CHD6: variants seen among roughly 807,000 people sequenced by gnomAD.
CHD6 encodes chromodomain helicase DNA binding protein 6.
Under a neutral mutation model 276.9 loss-of-function variants are expected in CHD6, and 50 were observed. The ratio of observed to expected loss-of-function variants is 0.18; its 90% confidence interval spans 0.14 to 0.23. The LOEUF is 0.23. CHD6 is among the 10% of genes least tolerant of loss of function. The pLI is 1.00. For missense variants in CHD6, 2,564 were observed against 3,365.8 expected (o/e 0.76, Z 5.89); for synonymous variants, 1,173 against 1,229.3 (o/e 0.95, Z 0.96).
At chr20:41,490,911 C>G (rs951065935) in intron 11 of CHD6, among the ~76,000 whole-genome samples, 4 of 151,994 alleles carry the variant, frequency 2.6e-5, no homozygotes, top group African/African-American at 4.8e-5. Context: ...TGTAACAAAC[C>G]TGCATATCTG....
chr20:41,560,575 C>T lies in CHD6; in HGVS notation c.-23-9215G>A, dbSNP rs150910106. On this transcript the variant is annotated intron_variant, in intron 1 of 36. Coordinates refer to ENST00000373233, the MANE Select transcript of CHD6 (RefSeq NM_032221.5). ...CATTAGCTGTGGAGGGCCCAAGCAC[C>T]CTCCAGGGAGGGACCCTGTCCTGCA... 6.5e-3 allele frequency among the ~76,000 whole-genome samples: 991 copies of T among 152,294 alleles called. 12 individuals are homozygous for T. Among genetic ancestry groups the T allele is most frequent in the Middle Eastern group, 0.024 (7 of 294 alleles).
chr20:41,510,293 A>G (rs1487406242), intron 5 of CHD6, among the ~76,000 whole-genome samples: 1 of 152,212 alleles, frequency 6.6e-6, no homozygotes, highest in Non-Finnish European at 1.5e-5. Flanking sequence ...CAGGAAGCCC[A>G]GTATGTAAAA....
At position 41,589,348 on chromosome 20, in the gene CHD6, G is replaced by T. The variant is rs540617718; in HGVS notation, c.-24+28992C>A. Among the ~76,000 whole-genome samples the T allele has an allele frequency of 7.5e-3, 1,145 of 152,202 alleles. 18 individuals are homozygous for T. The highest frequency in any genetic ancestry group is 0.026 in the African/African-American group (1,082 of 41,528). On this transcript the variant is annotated intron_variant, in intron 1 of 36. Transcript: ENST00000373233. Reference sequence around the variant, plus strand: ...TCTCTCACCACTCCTATTCAACATAGTGTTGGAAGTTCTGGCCAGGGCAAT... The same window carrying T: ...TCTCTCACCACTCCTATTCAACATATTGTTGGAAGTTCTGGCCAGGGCAAT...
chr20:41,405,209 A>C lies in CHD6; in HGVS notation c.7532T>G (p.Val2511Gly). 6.2e-7 allele frequency: 1 copy of C among 1,613,946 alleles called. No homozygotes were observed. Among genetic ancestry groups the C allele is most frequent in the South Asian group, 1.1e-5 (1 of 91,082 alleles). Residue 2511 changes from valine (V) to glycine (G), a missense_variant, in exon 37 of 37, where the codon GTC (valine) becomes GGC (glycine). By Grantham distance (109) the Val-to-Gly change is moderately radical. This residue lies in a region of CHD6 where 238 missense variants were observed against 266.0 expected (regional missense o/e 0.89). Coordinates refer to ENST00000373233, the MANE Select transcript of CHD6 (RefSeq NM_032221.5). ...GFATMPTGEE[V>G]KSTLSMLPMM... Reference sequence around the variant, plus strand: ...GGGCAGCATGCTCAGGGTACTTTTGACCTCTTCACCTGTTGGCATCGTGGC... The same window carrying C: ...GGGCAGCATGCTCAGGGTACTTTTGCCCTCTTCACCTGTTGGCATCGTGGC...
In CHD6 at chr20:41,533,494, G is replaced by A; in HGVS notation, c.110C>T (p.Pro37Leu). The A allele has an allele frequency of 1.9e-6, 3 of 1,613,938 alleles. No individual in the cohort carries two copies. The highest frequency in any genetic ancestry group is 1.7e-4 in the Middle Eastern group (1 of 6,060). The change falls in exon 3 of 37, where the codon CCA becomes CTA. Residue 37 changes from proline to leucine, a missense_variant. Physicochemically the swap from Pro to Leu is moderately conservative, Grantham distance 98. Around this residue, in one of 7 missense-constraint regions of CHD6, gnomAD observed 286 missense variants for 297.8 expected, o/e 0.96. Transcript: ENST00000373233. ...TTCTTGATCAGTGCTGCAGTCAAAT[G>A]GGGATGGAGATTTGTAGTCAAAATT... ...SVNFDYKSPS[P>L]FDCSTDQEEK...
intron 30 of CHD6, 58 bp downstream of exon 30, chr20:41,423,434 T>C: frequency 6.5e-7 from 1 of 1,527,940 alleles, no homozygotes; most frequent in Non-Finnish European, 9.1e-7. Context: ...TTCTGCAATT[T>C]GAAAATCAGA....
At position 41,551,380 on chromosome 20, in the gene CHD6, A is replaced by G. The variant is rs780564691; in HGVS notation, c.-23-20T>C. 1 of 1,157,852 alleles carries G rather than the reference A, an allele frequency of 8.6e-7. No individual in the cohort carries two copies. Among genetic ancestry groups the G allele is most frequent in the Non-Finnish European group, 1.3e-6 (1 of 783,626 alleles). The allele number at this position is 1,157,852 out of a possible 1,614,324, so 71.7% of individuals were successfully genotyped here. ...TTATTTCTGTAAAACATTTTTAAAA[A>G]GGCAAAGATTATGACAAAACCCAAA... On this transcript the variant is annotated intron_variant, in intron 1 of 36. Transcript: ENST00000373233.
intron 1 of CHD6, among the ~76,000 whole-genome samples, chr20:41,609,657 T>C (rs930631997): frequency 7.9e-5 from 12 of 152,156 alleles, no homozygotes; most frequent in African/African-American, 2.7e-4. Flanking sequence ...ATAAACCACA[T>C]AGGACACCCG....
intron 5 of CHD6, among the ~76,000 whole-genome samples, chr20:41,503,785 T>G (rs2145920334): frequency 6.6e-6 from 1 of 152,228 alleles, no homozygotes; most frequent in East Asian, 1.9e-4. Context: ...TCAGAAATAC[T>G]TTGAACTTTC....
At chr20:41,457,464 G>T in intron 17 of CHD6, 36 bp from the exon 18 acceptor site, 1 of 1,589,730 alleles carries the variant, frequency 6.3e-7, no homozygotes, top group Non-Finnish European at 8.6e-7. Context: ...TCACGTCACC[G>T]TATGTATAAA....
Position 41,473,074 on chromosome 20 carries a change from C to G in CHD6, c.2664+248G>C, listed in dbSNP as rs2043091978. ...AATAATAATAATTAGTAGTTCTAGT[C>G]TATATCTGGAGGCTACCACTGTGAA... On this transcript the variant is annotated intron_variant, in intron 17 of 36. Transcript: ENST00000373233. This position sits in a 1 kb window ranked among gnomAD's most constrained non-coding sequence, Gnocchi z 4.1. 2.3e-6 allele frequency: 1 copy of G among 442,630 alleles called. No homozygotes were observed. Among genetic ancestry groups the G allele is most frequent in the Non-Finnish European group, 4.0e-6 (1 of 249,176 alleles). The allele number at this position is 442,630 out of a possible 1,614,324, so 27.4% of individuals were successfully genotyped here. A position where few individuals can be genotyped will look rare whatever the true frequency, so the allele number is the denominator to read the frequency against.
Position 41,473,999 on chromosome 20 carries a change from A to T in CHD6, c.2469-482T>A, listed in dbSNP as rs1341932226. Among the ~76,000 whole-genome samples the T allele has an allele frequency of 6.6e-6, 1 of 152,224 alleles. No homozygotes were observed. The highest frequency in any genetic ancestry group is 6.5e-5 in the Admixed American group (1 of 15,282). ...TAAACCAGAAATGGTAAGAAGATTA[A>T]ACTGTGAGGCAGTCCTTTTATGTCA... On this transcript the variant is annotated intron_variant, in intron 16 of 36. Transcript: ENST00000373233. This position sits in a 1 kb window ranked among gnomAD's most constrained non-coding sequence, Gnocchi z 4.1.
chr20:41,428,949 C>T lies in CHD6; in HGVS notation c.4069-2796G>A, dbSNP rs182284096. Reference sequence around the variant, plus strand: ...GTTCACAGAACCCTCAAACTCCTAACTCACAAGAAGAAGGTGCTTGTTCAG... The same window carrying T: ...GTTCACAGAACCCTCAAACTCCTAATTCACAAGAAGAAGGTGCTTGTTCAG... On this transcript the variant is annotated intron_variant, in intron 27 of 36. Coordinates refer to ENST00000373233, the MANE Select transcript of CHD6 (RefSeq NM_032221.5). Among the ~76,000 whole-genome samples the T allele has an allele frequency of 1.2e-4, 18 of 152,300 alleles. No individual in the cohort carries two copies. The East Asian group carries it at 3.3e-3, about 28-fold the overall frequency.
rs186236269 is a variant in CHD6, at chr20:41,581,661, C to T, written c.-23-30301G>A. On this transcript the variant is annotated intron_variant, in intron 1 of 36. Transcript: ENST00000373233. ...ACTGTACTCCAGCCTGACGACAGAG[C>T]GAGACTCCATCTCAAAAAAAAAAAA... Among the ~76,000 whole-genome samples, 446 of 141,176 alleles carry T rather than the reference C, an allele frequency of 3.2e-3. 1 individual carries two copies. The highest frequency in any genetic ancestry group is 0.012 in the African/African-American group (425 of 35,042). 92.6% of individuals were successfully genotyped at this position (141,176 alleles called of 152,430 possible).
intron 3 of CHD6, among the ~76,000 whole-genome samples, chr20:41,530,381 C>T (rs1014643747): frequency 2.0e-5 from 3 of 152,052 alleles, no homozygotes; most frequent in Admixed American, 2.0e-4. Flanking sequence ...GCCAGAAGCC[C>T]GTAAATCAGT....
chr20:41,502,096 A>G (rs2043842750), intron 5 of CHD6, among the ~76,000 whole-genome samples: 1 of 152,186 alleles, frequency 6.6e-6, no homozygotes, highest in Non-Finnish European at 1.5e-5. Flanking sequence ...CAATCCCTTA[A>G]TGTGTCTTCT....
chr20:41,488,675 A>G, intron 12 of CHD6, 71 bp from the exon 13 acceptor site: 7 of 1,389,230 alleles, frequency 5.0e-6, no homozygotes, highest in Non-Finnish European at 6.9e-6. Context: ...CTGCTGGACT[A>G]CAGGAGGCAG....
In CHD6 at chr20:41,452,522, T is replaced by C. The variant is rs889094899; in HGVS notation, c.3323+218A>G. On this transcript the variant is annotated intron_variant, in intron 21 of 36. Coordinates refer to ENST00000373233, the MANE Select transcript of CHD6 (RefSeq NM_032221.5). This position sits in a 1 kb window ranked among gnomAD's most constrained non-coding sequence, Gnocchi z 4.2. ...CCAGAGATTTGTTGTGACAGGCATA[T>C]GAGAAAATCATGGCATGTCTGCATT... 3.9e-5 allele frequency among the ~76,000 whole-genome samples: 6 copies of C among 152,140 alleles called. No homozygotes were observed. The highest frequency in any genetic ancestry group is 1.5e-5 in the Non-Finnish European group (1 of 68,016).
intron 16 of CHD6, among the ~76,000 whole-genome samples, chr20:41,479,647 G>T (rs1367340955): frequency 1.3e-5 from 2 of 152,116 alleles, no homozygotes; most frequent in Non-Finnish European, 2.9e-5. Flanking sequence ...ATCCTGATAA[G>T]CCTTAGAAAG....
Sources: gnomAD v4.1 joint callset for allele counts (sites outside exome capture counted in the v4.1 genomes callset) on GRCh38, gnomAD v4.1.1 for gene constraint, gnomAD v4.1.1 regional missense constraint, Gnocchi (gnomAD v3.1) non-coding constraint, MANE v1.5 for transcripts, NCBI Gene and HGNC (gene_info 2026-07-23, HGNC 2026-07-21) for gene names.